EVC2: variants seen among roughly 807,000 people sequenced by gnomAD.
EVC2 encodes the protein EvC ciliary complex subunit 2, also known as limbin.
In EVC2, 148 loss-of-function variants were observed where a neutral mutation model predicts 149.3. That is an observed-to-expected ratio of 0.99 (90% confidence interval 0.87 to 1.14). The LOEUF is 1.14. Among genes scored for constraint, EVC2 ranks in the 50% most tolerant of loss-of-function variants. EVC2 has a pLI of 0.00. For missense variants in EVC2, 1,854 were observed against 1,627.3 expected (o/e 1.14, Z -2.40); for synonymous variants, 776 against 649.9 (o/e 1.19, Z -2.95).
At chr4:5,607,903 G>C (rs879795304) in intron 16 of EVC2, among the ~76,000 whole-genome samples, 1 of 151,932 alleles carries the variant, frequency 6.6e-6, no homozygotes, top group Non-Finnish European at 1.5e-5. Flanking sequence ...GGGGAGAACA[G>C]AGAAGGGCAA....
intron 21 of EVC2, among the ~76,000 whole-genome samples, chr4:5,547,643 G>T (rs555826070): frequency 6.6e-6 from 1 of 152,302 alleles, no homozygotes; most frequent in African/African-American, 2.4e-5. Flanking sequence ...ACCCACTCCT[G>T]GGCCTCCTCT....
At chr4:5,675,412 T>C (rs967773614) in intron 7 of EVC2, among the ~76,000 whole-genome samples, 2 of 152,250 alleles carry the variant, frequency 1.3e-5, no homozygotes, top group African/African-American at 4.8e-5. Context: ...CCTCCTCCCG[T>C]TGGTTTAAAA....
rs564386284 is a variant in EVC2, at chr4:5,575,310, C to T, written c.3273-538G>A. ...CACCCCAGACCTTCTGCAAGTGCAA[C>T]TCAAATCAAAAGTTTGAACACAAGC... On this transcript the variant is annotated intron_variant, in intron 18 of 21. Coordinates refer to ENST00000344408, the MANE Select transcript of EVC2 (RefSeq NM_147127.5). Among the ~76,000 whole-genome samples the T allele has an allele frequency of 3.3e-5, 5 of 152,344 alleles. No individual in the cohort carries two copies. The East Asian group carries it at 9.7e-4, about 29-fold the overall frequency.
intron 16 of EVC2, among the ~76,000 whole-genome samples, chr4:5,609,621 A>C (rs1714668940): frequency 6.6e-6 from 1 of 152,210 alleles, no homozygotes; most frequent in Non-Finnish European, 1.5e-5. Flanking sequence ...CAAAGTTAAA[A>C]GGCACCTCAC....
chr4:5,616,794 G>A (rs374387186), intron 15 of EVC2, among the ~76,000 whole-genome samples: 8 of 152,110 alleles, frequency 5.3e-5, no homozygotes, highest in African/African-American at 1.7e-4. Context: ...AATGTGGAGC[G>A]AGCACCTTCG....
intron 5 of EVC2, among the ~76,000 whole-genome samples, chr4:5,685,968 T>G (rs1366509319): frequency 2.0e-5 from 3 of 152,162 alleles, no homozygotes; most frequent in Admixed American, 6.5e-5. Flanking sequence ...CCTTTCTCCC[T>G]AACAGAGTTT....
intron 16 of EVC2, among the ~76,000 whole-genome samples, chr4:5,594,509 G>A (rs547246205): frequency 2.6e-5 from 4 of 152,152 alleles, no homozygotes; most frequent in Non-Finnish European, 5.9e-5. Flanking sequence ...TGCAGCTGAG[G>A]GTCTTGTCTG....
intron 16 of EVC2, among the ~76,000 whole-genome samples, chr4:5,615,183 TC>T (rs756022378): frequency 1.2e-4 from 18 of 152,046 alleles, no homozygotes; most frequent in African/African-American, 3.6e-4. Context: ...GCCTGAAGGA[TC>T]CGGTGAGATC....
intron 16 of EVC2, among the ~76,000 whole-genome samples, chr4:5,592,490 T>C (rs1712899389): frequency 2.0e-5 from 3 of 152,164 alleles, no homozygotes; most frequent in African/African-American, 7.2e-5. Context: ...ACCAGGAATG[T>C]CAGGTGGCCA....
chr4:5,673,429 C>A (rs1348465746), intron 7 of EVC2, among the ~76,000 whole-genome samples: 3 of 152,218 alleles, frequency 2.0e-5, no homozygotes, highest in Non-Finnish European at 4.4e-5. Flanking sequence ...CCACGTAAAT[C>A]ATACTTCTGA....
chr4:5,683,407 C>G (rs574667355), intron 6 of EVC2, among the ~76,000 whole-genome samples: 2 of 152,210 alleles, frequency 1.3e-5, no homozygotes, highest in African/African-American at 4.8e-5. Flanking sequence ...AATCCTCACT[C>G]CAGTACATGC....
the EVC2 span, among the ~76,000 whole-genome samples, chr4:5,529,817 T>G: frequency 4.6e-5 from 5 of 107,600 alleles, no homozygotes; most frequent in Non-Finnish European, 7.6e-5. This position sits in a 1 kb window ranked among gnomAD's most constrained non-coding sequence, Gnocchi z 4.5. Context: ...TTATTTAGGT[T>G]TTTTTTTTTT....
intron 21 of EVC2, among the ~76,000 whole-genome samples, chr4:5,549,557 G>C (rs1416753034): frequency 1.3e-5 from 2 of 152,108 alleles, no homozygotes; most frequent in Non-Finnish European, 2.9e-5. Context: ...TGATCTTCAC[G>C]ATCCGCTTAC....
At chr4:5,681,777 C>G (rs993800243) in intron 6 of EVC2, among the ~76,000 whole-genome samples, 4 of 152,218 alleles carry the variant, frequency 2.6e-5, no homozygotes, top group Non-Finnish European at 5.9e-5. Flanking sequence ...CTCTAATATT[C>G]CTCTGCTGAG....
intron 16 of EVC2, among the ~76,000 whole-genome samples, chr4:5,587,062 T>A (rs1186854604): frequency 6.6e-6 from 1 of 152,228 alleles, no homozygotes; most frequent in Non-Finnish European, 1.5e-5. Flanking sequence ...GTTAAAAACG[T>A]CACACTCCTT....
intron 8 of EVC2, among the ~76,000 whole-genome samples, chr4:5,664,969 G>T (rs1295277143): frequency 6.6e-6 from 1 of 150,976 alleles, no homozygotes; most frequent in South Asian, 2.1e-4. Flanking sequence ...GTGATGGGGT[G>T]CGTGTGGGTG....
At chr4:5,611,966 C>T (rs1427173307) in intron 16 of EVC2, among the ~76,000 whole-genome samples, 1 of 152,188 alleles carries the variant, frequency 6.6e-6, no homozygotes, top group African/African-American at 2.4e-5. Flanking sequence ...CCAGAAAAGA[C>T]CCCTTCCCTC....
chr4:5,703,688 G>A (rs1040197793), intron 1 of EVC2, among the ~76,000 whole-genome samples: 27 of 152,042 alleles, frequency 1.8e-4, no homozygotes, highest in African/African-American at 5.8e-4. Flanking sequence ...GTTGACAAAC[G>A]AGACATCAAA....
rs890638933 is a variant in EVC2, at chr4:5,679,898, C to T, written c.870+1362G>A. ...AACACAAACACACTGTACAGCTATA[C>T]AAAAATAGTTCCTTTCTTTATATCC... On this transcript the variant is annotated intron_variant, in intron 7 of 21. Coordinates refer to ENST00000344408, the MANE Select transcript of EVC2 (RefSeq NM_147127.5). This position sits in a 1 kb window ranked among gnomAD's most constrained non-coding sequence, Gnocchi z 5.1. Among the ~76,000 whole-genome samples the T allele has an allele frequency of 5.2e-4, 79 of 152,080 alleles. No individual in the cohort carries two copies. Among genetic ancestry groups the T allele is most frequent in the African/African-American group, 1.5e-3 (62 of 41,416 alleles).
Sources: gnomAD v4.1 joint callset for allele counts (sites outside exome capture counted in the v4.1 genomes callset) on GRCh38, gnomAD v4.1.1 for gene constraint, Gnocchi (gnomAD v3.1) non-coding constraint, MANE v1.5 for transcripts, NCBI Gene and HGNC (gene_info 2026-07-23, HGNC 2026-07-21) for gene names.